The following COL25A1 variants were observed in gnomAD, a reference collection of about 807,000 sequenced individuals.
COL25A1 encodes the protein collagen alpha-1(XXV) chain.
A neutral mutation model predicts 128.4 loss-of-function variants in COL25A1; 103 were observed. The observed-to-expected ratio is 0.80, with a 90% confidence interval of 0.68 to 0.94. COL25A1 has a LOEUF of 0.94. COL25A1 is among the 40% of genes least tolerant of loss of function. COL25A1 has a pLI of 0.00. For missense variants in COL25A1, 745 were observed against 840.0 expected (o/e 0.89, Z 1.40); for synonymous variants, 279 against 277.2 (o/e 1.01, Z -0.06).
chr4:109,245,431 C>T (rs1780193217), intron 3 of COL25A1, among the ~76,000 whole-genome samples: 1 of 150,866 alleles, frequency 6.6e-6, no homozygotes, highest in Admixed American at 6.6e-5. Flanking sequence ...GGAAGCCAAA[C>T]TTGAAATAAC....
intron 3 of COL25A1, among the ~76,000 whole-genome samples, chr4:109,284,104 T>C (rs1306862615): frequency 1.3e-5 from 2 of 152,232 alleles, no homozygotes; most frequent in African/African-American, 2.4e-5. Flanking sequence ...TTGAAAACCT[T>C]CTTCCTTACA....
chr4:108,883,437 GT>G (rs1287151099), intron 19 of COL25A1, among the ~76,000 whole-genome samples: 2 of 152,218 alleles, frequency 1.3e-5, no homozygotes, highest in African/African-American at 4.8e-5. Flanking sequence ...CTATTAAGTA[GT>G]TCTAGAATAT....
At chr4:109,191,039 T>C (rs1429031107) in intron 3 of COL25A1, among the ~76,000 whole-genome samples, 1 of 152,218 alleles carries the variant, frequency 6.6e-6, no homozygotes, top group East Asian at 1.9e-4. Flanking sequence ...TAAGGGAAGA[T>C]GGCAAATTGC....
rs555995299 is a variant in COL25A1, at chr4:108,965,880, T to C, written c.492+8487A>G. On this transcript the variant is annotated intron_variant, in intron 8 of 37. Transcript: ENST00000399132. ...GAACAACAACATAGCTTATAGGTTA[T>C]GCAAACTCAGCATTATGAAGAGCAG... Among the ~76,000 whole-genome samples the C allele has an allele frequency of 9.2e-5, 14 of 152,338 alleles. No homozygotes were observed. The East Asian group carries it at 2.7e-3, about 29-fold the overall frequency.
intron 3 of COL25A1, among the ~76,000 whole-genome samples, chr4:109,299,854 G>A (rs1041851684): frequency 2.6e-4 from 40 of 152,010 alleles, no homozygotes; most frequent in African/African-American, 9.4e-4. Flanking sequence ...GCCCTCAAAG[G>A]TCCATGAAGG....
chr4:109,197,495 A>AT (rs1560851328), intron 3 of COL25A1, among the ~76,000 whole-genome samples: 24 of 126,952 alleles, frequency 1.9e-4, no homozygotes, highest in Non-Finnish European at 3.2e-4. Context: ...ATTATATATA[A>AT]ATATATATTA....
At chr4:109,050,418 C>T (rs2345368) in intron 3 of COL25A1, among the ~76,000 whole-genome samples, 58,208 of 151,326 alleles carry the variant, frequency 0.38, 12,321 homozygotes, top group East Asian at 0.66. Flanking sequence ...AGAAAACTAA[C>T]GATTGGGAAT....
At chr4:108,983,504 T>G (rs1184457582) in intron 6 of COL25A1, among the ~76,000 whole-genome samples, 3 of 152,228 alleles carry the variant, frequency 2.0e-5, no homozygotes, top group Admixed American at 1.3e-4. Flanking sequence ...TGTTTGCCGG[T>G]CAGTTGGATT....
chr4:109,268,808 G>C (rs1027354535), intron 3 of COL25A1, among the ~76,000 whole-genome samples: 2 of 152,120 alleles, frequency 1.3e-5, no homozygotes, highest in Non-Finnish European at 2.9e-5. Flanking sequence ...TAGCTAGTGA[G>C]ACCAAAGGCT....
At chr4:109,282,931 T>C (rs1318349212) in intron 3 of COL25A1, among the ~76,000 whole-genome samples, 1 of 152,188 alleles carries the variant, frequency 6.6e-6, no homozygotes. Context: ...TTATGACTAG[T>C]TACTATCTAA....
intron 32 of COL25A1, among the ~76,000 whole-genome samples, chr4:108,829,090 C>G (rs528693440): frequency 6.6e-6 from 1 of 152,176 alleles, no homozygotes; most frequent in African/African-American, 2.4e-5. Context: ...AGCACAGTGG[C>G]CAGATTTTAA....
At chr4:109,127,621 C>A (rs1768748127) in intron 3 of COL25A1, among the ~76,000 whole-genome samples, 1 of 152,040 alleles carries the variant, frequency 6.6e-6, no homozygotes, top group Admixed American at 6.6e-5. Flanking sequence ...AGCCACCGCG[C>A]CTGGCCAAAC....
At chr4:109,267,014 CAG>C (rs1160996145) in intron 3 of COL25A1, among the ~76,000 whole-genome samples, 2 of 152,090 alleles carry the variant, frequency 1.3e-5, no homozygotes, top group Non-Finnish European at 2.9e-5. Flanking sequence ...CCAAAGAAAA[CAG>C]AAAGAATGTA....
chr4:108,922,279 T>TGG (rs772119456), intron 11 of COL25A1, among the ~76,000 whole-genome samples: 5 of 152,184 alleles, frequency 3.3e-5, no homozygotes, highest in Non-Finnish European at 5.9e-5. Context: ...AGAAAGGACT[T>TGG]GGGTTTTATC....
chr4:109,235,752 A>G (rs899225558), intron 3 of COL25A1, among the ~76,000 whole-genome samples: 1 of 152,140 alleles, frequency 6.6e-6, no homozygotes, highest in African/African-American at 2.4e-5. Flanking sequence ...AACTCAATCT[A>G]TAGGCATAGA....
rs189670622 is a variant in COL25A1 at position 109,266,547 on chromosome 4, G to T, written c.367+34036C>A. 6.5e-4 allele frequency among the ~76,000 whole-genome samples: 99 copies of T among 152,152 alleles called. 2 individuals carry two copies. The South Asian group carries it at 0.019, about 29-fold the overall frequency. The stretch of plus-strand genomic sequence containing the variant: ...TAAACCTATAAAGATATGGGGGGCT[G>T]GGGAGGATGTACTAATAATCTAGGA... On this transcript the variant is annotated intron_variant, in intron 3 of 37. Transcript: ENST00000399132.
At chr4:108,906,517 TTC>T (rs1202296419) in intron 13 of COL25A1, among the ~76,000 whole-genome samples, 5 of 152,208 alleles carry the variant, frequency 3.3e-5, no homozygotes, top group African/African-American at 1.2e-4. Flanking sequence ...TGTGTTTCTT[TTC>T]TGTCTTCTGC....
intron 3 of COL25A1, among the ~76,000 whole-genome samples, chr4:109,086,406 T>C (rs529886277): frequency 6.6e-6 from 1 of 152,356 alleles, no homozygotes; most frequent in African/African-American, 2.4e-5. Flanking sequence ...CTAGTAATGA[T>C]GATGAAGTTG....
At chr4:109,115,257 C>T (rs1767426537) in intron 3 of COL25A1, among the ~76,000 whole-genome samples, 1 of 152,058 alleles carries the variant, frequency 6.6e-6, no homozygotes, top group African/African-American at 2.4e-5. Flanking sequence ...TTCTCTTCTC[C>T]ACTTCCAGAT....
Sources: allele counts gnomAD v4.1 joint callset (sites outside exome capture counted in the v4.1 genomes callset), GRCh38; gene constraint gnomAD v4.1.1; transcripts MANE v1.5; gene names NCBI Gene and HGNC (gene_info 2026-07-23, HGNC 2026-07-21).